Variants in KLHL32 observed in about 807,000 individuals in gnomAD.
KLHL32 encodes kelch like family member 32, also known as kelch-like protein 32.
In KLHL32, 35 loss-of-function variants were observed where a neutral mutation model predicts 64.8. That is an observed-to-expected ratio of 0.54 (90% CI 0.41 to 0.72). KLHL32 has a LOEUF of 0.72. Ranked by LOEUF, KLHL32 falls within the 30% of genes least tolerant of loss-of-function variation. The pLI is 0.00. For synonymous variants in KLHL32, 259 were observed against 281.0 expected, an observed-to-expected ratio of 0.92 and a Z score of 0.78; for missense variants, 589 against 768.5, an observed-to-expected ratio of 0.77 and a Z score of 2.76.
At chr6:97,040,955 C>G (rs573075745) in intron 3 of KLHL32, among the ~76,000 whole-genome samples, 1 of 152,292 alleles carries the variant, frequency 6.6e-6, no homozygotes, top group Admixed American at 6.5e-5. Flanking sequence ...TGAGGCCTCC[C>G]CAGTCATTCT....
At chr6:97,113,039 G>A (rs1340101474) in intron 6 of KLHL32, among the ~76,000 whole-genome samples, 8 of 148,450 alleles carry the variant, frequency 5.4e-5, no homozygotes, top group African/African-American at 1.5e-4. Flanking sequence ...CTGCTATTAT[G>A]TTCATAATAC....
At chr6:96,992,708 C>G (rs1778026487) in intron 3 of KLHL32, among the ~76,000 whole-genome samples, 1 of 152,222 alleles carries the variant, frequency 6.6e-6, no homozygotes, top group Non-Finnish European at 1.5e-5. Context: ...GCCCCTCATA[C>G]TCTAATAGGT....
chr6:97,038,556 G>A (rs921373025), intron 3 of KLHL32, among the ~76,000 whole-genome samples: 41 of 152,082 alleles, frequency 2.7e-4, no homozygotes, highest in African/African-American at 9.9e-4. Flanking sequence ...CTAGTACACT[G>A]TTGACGGGAA....
the KLHL32 span, among the ~76,000 whole-genome samples, chr6:96,902,408 T>C: frequency 1.3e-5 from 2 of 152,238 alleles, no homozygotes; most frequent in Non-Finnish European, 2.9e-5. Flanking sequence ...TTTTGAGAAG[T>C]GTCTGGGCAT....
At chr6:97,124,948 G>A (rs910778863) in intron 7 of KLHL32, among the ~76,000 whole-genome samples, 2 of 152,118 alleles carry the variant, frequency 1.3e-5, no homozygotes, top group African/African-American at 4.8e-5. Context: ...CACACATCTT[G>A]ACTATATAGG....
chr6:96,951,687 G>A (rs932784689), intron 1 of KLHL32, among the ~76,000 whole-genome samples: 2 of 152,022 alleles, frequency 1.3e-5, no homozygotes, highest in East Asian at 1.9e-4. Flanking sequence ...CTCATAAATC[G>A]CATTAGTTAT....
intron 1 of KLHL32, among the ~76,000 whole-genome samples, chr6:96,942,397 G>C (rs935448542): frequency 6.6e-6 from 1 of 152,176 alleles, no homozygotes; most frequent in African/African-American, 2.4e-5. Flanking sequence ...TTTCCTCCAT[G>C]AAACCATTCC....
At chr6:96,990,497 T>C (rs778008491) in intron 3 of KLHL32, among the ~76,000 whole-genome samples, 1 of 152,200 alleles carries the variant, frequency 6.6e-6, no homozygotes, top group Non-Finnish European at 1.5e-5. Context: ...GCTCTGAAAG[T>C]GTAGTTTCTT....
intron 6 of KLHL32, among the ~76,000 whole-genome samples, chr6:97,098,775 T>G (rs1016111427): frequency 2.0e-5 from 3 of 152,140 alleles, no homozygotes; most frequent in Non-Finnish European, 4.4e-5. Flanking sequence ...AAATGATTAT[T>G]TTTTTAGCTC....
At chr6:96,993,767 A>G (rs550930268) in intron 3 of KLHL32, among the ~76,000 whole-genome samples, 1 of 152,280 alleles carries the variant, frequency 6.6e-6, no homozygotes, top group South Asian at 2.1e-4. Context: ...GGCAGTAGTA[A>G]TCAAGTCTCA....
rs561967570 is a variant in KLHL32, at chr6:96,948,887, C to T, written c.-65-18109C>T. On this transcript the variant is annotated intron_variant, in intron 1 of 10. Transcript: ENST00000369261. ...TCTCCTCCTCTTTTTCTGACTCATGCGAAAAAGTCATGTAGCAATTCAAAC... is the reference window on the plus strand; with the variant it reads ...TCTCCTCCTCTTTTTCTGACTCATGTGAAAAAGTCATGTAGCAATTCAAAC... 1.2e-4 allele frequency among the ~76,000 whole-genome samples: 18 copies of T among 152,132 alleles called. 1 individual carries two copies. The highest frequency in any genetic ancestry group is 6.6e-4 in the Admixed American group (10 of 15,266).
chr6:97,029,138 T>C (rs1783152594), intron 3 of KLHL32, among the ~76,000 whole-genome samples: 1 of 152,230 alleles, frequency 6.6e-6, no homozygotes, highest in Admixed American at 6.5e-5. Flanking sequence ...GTCCTTTTTT[T>C]ATTCCACCCT....
intron 1 of KLHL32, among the ~76,000 whole-genome samples, chr6:96,941,023 A>G (rs1053280331): frequency 6.6e-6 from 1 of 152,244 alleles, no homozygotes; most frequent in East Asian, 1.9e-4. Context: ...TGGAAATCAG[A>G]TAATTAACAC....
rs1785117238 is a variant in KLHL32, at chr6:97,041,536, T to C, written c.249T>C (p.Val83=). The stretch of plus-strand genomic sequence containing the variant: ...TGGTGGAAAGTGGAGCTGATGAGGT[T>C]AATTTGCACGGTGTGACCAGCCTTG... ...LCMVESGADE[V]NLHGVTSLGL... is the part of the protein sequence containing the mutation. The change falls in exon 4 of 11, where the codon GTT becomes GTC. Residue 83 remains valine, a synonymous_variant. Transcript: ENST00000369261. The C allele has an allele frequency of 3.1e-6, 5 of 1,613,844 alleles. No homozygotes were observed. The highest frequency in any genetic ancestry group is 2.7e-5 in the African/African-American group (2 of 74,920).
intron 6 of KLHL32, among the ~76,000 whole-genome samples, chr6:97,086,645 A>G (rs1221529551): frequency 6.6e-6 from 1 of 152,230 alleles, no homozygotes; most frequent in Non-Finnish European, 1.5e-5. Flanking sequence ...TAAAGAAAAT[A>G]TAAGGACCAA....
At chr6:97,009,555 C>T (rs868183558) in intron 3 of KLHL32, among the ~76,000 whole-genome samples, 14 of 152,048 alleles carry the variant, frequency 9.2e-5, no homozygotes, top group Admixed American at 1.3e-4. Flanking sequence ...AAAATGCATG[C>T]GAGATGTTCC....
the KLHL32 span, among the ~76,000 whole-genome samples, chr6:96,904,346 A>G: frequency 1.3e-5 from 2 of 150,184 alleles, no homozygotes; most frequent in Admixed American, 6.6e-5. Context: ...TGTCAAAAAA[A>G]AAAAAAAAAA....
At chr6:97,124,257 TAAC>T (rs1562362543) in intron 7 of KLHL32, among the ~76,000 whole-genome samples, 1 of 152,226 alleles carries the variant, frequency 6.6e-6, no homozygotes, top group Admixed American at 6.5e-5. Flanking sequence ...TCCTGTGGTT[TAAC>T]ATTCTAGAGG....
intron 4 of KLHL32, among the ~76,000 whole-genome samples, chr6:97,043,756 G>A (rs1370340965): frequency 3.9e-5 from 6 of 151,910 alleles, no homozygotes; most frequent in Non-Finnish European, 7.4e-5. Context: ...TAGGGGTGAG[G>A]CGATATCTCA....
Sources: gnomAD v4.1 joint callset for allele counts (sites outside exome capture counted in the v4.1 genomes callset) on GRCh38, gnomAD v4.1.1 for gene constraint, MANE v1.5 for transcripts, NCBI Gene and HGNC (gene_info 2026-07-23, HGNC 2026-07-21) for gene names.